The following BCKDHB variants were observed in gnomAD, a reference collection of about 807,000 sequenced individuals.
The protein encoded by BCKDHB is branched chain keto acid dehydrogenase E1 subunit beta.
In BCKDHB, 41 loss-of-function variants were observed where a neutral mutation model predicts 48.5. The observed-to-expected ratio is 0.85, with a 90% CI of 0.66 to 1.10. The LOEUF (loss-of-function observed/expected upper bound fraction) is 1.10, where lower values mean the gene tolerates loss of function less well. Ranked by LOEUF, BCKDHB falls within the 50% of genes least tolerant of loss-of-function variation. The pLI, the probability that BCKDHB is intolerant of heterozygous loss-of-function variation, is 0.00. For synonymous variants in BCKDHB, 201 were observed against 174.8 expected (o/e 1.15, Z -1.18); for missense variants, 496 against 494.2 (o/e 1.00, Z -0.03).
chr6:80,206,485 CAT>C (rs1413402390), intron 8 of BCKDHB, among the ~76,000 whole-genome samples: 4 of 151,512 alleles, frequency 2.6e-5, no homozygotes, highest in Admixed American at 6.6e-5. Flanking sequence ...TGCTTAGGAA[CAT>C]AGAGAAAATA....
chr6:80,258,767 C>G (rs970241656), intron 8 of BCKDHB, among the ~76,000 whole-genome samples: 4 of 151,480 alleles, frequency 2.6e-5, no homozygotes, highest in Admixed American at 6.6e-5. Context: ...AAAAAAGCAT[C>G]CATTTTAGCA....
At chr6:80,361,792 T>C in the BCKDHB span, among the ~76,000 whole-genome samples, 9 of 152,140 alleles carry the variant, frequency 5.9e-5, no homozygotes, top group Non-Finnish European at 1.2e-4. Context: ...ATTGTCACGT[T>C]TCCATCTTTG....
intron 8 of BCKDHB, among the ~76,000 whole-genome samples, chr6:80,230,591 G>T (rs1775887828): frequency 6.6e-6 from 1 of 152,070 alleles, no homozygotes; most frequent in Non-Finnish European, 1.5e-5. Context: ...ATTCAACTCT[G>T]CCCTTAAAGC....
intron 9 of BCKDHB, among the ~76,000 whole-genome samples, chr6:80,278,640 A>G (rs1253266193): frequency 6.6e-6 from 1 of 151,740 alleles, no homozygotes; most frequent in African/African-American, 2.4e-5. Context: ...GCTCACTGCA[A>G]CCTCCGCCTG....
At chr6:80,143,881 A>G (rs992931961) in intron 3 of BCKDHB, among the ~76,000 whole-genome samples, 69 of 152,220 alleles carry the variant, frequency 4.5e-4, no homozygotes, top group African/African-American at 1.5e-3. Flanking sequence ...AAACTCTAGT[A>G]TCTTTAGTAA....
At chr6:80,416,755 G>A in the BCKDHB span, among the ~76,000 whole-genome samples, 1 of 132,576 alleles carries the variant, frequency 7.5e-6, no homozygotes, top group East Asian at 2.1e-4. Context: ...TATATTCTGG[G>A]TTTTTTATTT....
the BCKDHB span, among the ~76,000 whole-genome samples, chr6:80,389,937 T>C: frequency 7.9e-5 from 12 of 152,188 alleles, no homozygotes; most frequent in Admixed American, 3.3e-4. Context: ...TGCTTCCTGT[T>C]CCCGTGACAT....
At chr6:80,236,031 C>A (rs1448607784) in intron 8 of BCKDHB, among the ~76,000 whole-genome samples, 1 of 152,120 alleles carries the variant, frequency 6.6e-6, no homozygotes, top group Non-Finnish European at 1.5e-5. Flanking sequence ...GCTTTTGCAG[C>A]CTTTTAAGTT....
the BCKDHB span, among the ~76,000 whole-genome samples, chr6:80,432,321 C>T: frequency 6.6e-6 from 1 of 152,120 alleles, no homozygotes; most frequent in Non-Finnish European, 1.5e-5. Flanking sequence ...GTACACCAAC[C>T]AAATGTAGAT....
At chr6:80,395,147 G>T in the BCKDHB span, among the ~76,000 whole-genome samples, 1 of 152,160 alleles carries the variant, frequency 6.6e-6, no homozygotes, top group Non-Finnish European at 1.5e-5. Context: ...TTGGCACCAG[G>T]TGTGGGGTGC....
the BCKDHB span, among the ~76,000 whole-genome samples, chr6:80,455,623 G>A: frequency 6.6e-6 from 1 of 151,186 alleles, no homozygotes; most frequent in African/African-American, 2.4e-5. Flanking sequence ...TTTCTCACTA[G>A]CTAACTCCAC....
At chr6:80,119,464 G>A (rs1250339983) in intron 1 of BCKDHB, among the ~76,000 whole-genome samples, 1 of 152,006 alleles carries the variant, frequency 6.6e-6, no homozygotes, top group Non-Finnish European at 1.5e-5. Context: ...GATTACAGGT[G>A]TGCACCACCA....
chr6:80,207,947 T>C (rs1774744397), intron 8 of BCKDHB, among the ~76,000 whole-genome samples: 1 of 151,856 alleles, frequency 6.6e-6, no homozygotes, highest in Non-Finnish European at 1.5e-5. Context: ...TCTTAAATCT[T>C]GCTTAATCAA....
chr6:80,374,730 A>G, the BCKDHB span, among the ~76,000 whole-genome samples: 1 of 152,048 alleles, frequency 6.6e-6, no homozygotes, highest in Non-Finnish European at 1.5e-5. Context: ...TCATTGTGTT[A>G]TTGTTTCATA....
intron 9 of BCKDHB, among the ~76,000 whole-genome samples, chr6:80,321,229 A>G (rs1768700451): frequency 6.6e-6 from 1 of 152,198 alleles, no homozygotes; most frequent in Non-Finnish European, 1.5e-5. Flanking sequence ...TGGGTACAGA[A>G]TATCAGTAGT....
chr6:80,161,821 G>A (rs1456141841), intron 3 of BCKDHB, among the ~76,000 whole-genome samples: 1 of 152,142 alleles, frequency 6.6e-6, no homozygotes, highest in Non-Finnish European at 1.5e-5. Flanking sequence ...CCTCAACTCT[G>A]ATTAGCATTT....
chr6:80,429,275 A>G, the BCKDHB span, among the ~76,000 whole-genome samples: 1 of 151,832 alleles, frequency 6.6e-6, no homozygotes, highest in Non-Finnish European at 1.5e-5. Context: ...GTTACTGTAG[A>G]CTTGTAGTAT....
In BCKDHB at chr6:80,343,649, T is replaced by C; in HGVS notation, c.1039-15T>C. 1 of 1,614,012 alleles carries C rather than the reference T, an allele frequency of 6.2e-7. No individual in the cohort carries two copies. The highest frequency in any genetic ancestry group is 1.7e-4 in the Middle Eastern group (1 of 6,058). ...AAAAAATTCTTGAAGTTAAGCATCC[T>C]GACTCTGTCTGCAGGAGGAATGTTT... On this transcript the variant is annotated splice_polypyrimidine_tract_variant and intron_variant, in intron 9 of 9. Coordinates refer to ENST00000320393, the MANE Select transcript of BCKDHB (RefSeq NM_183050.4).
the BCKDHB span, among the ~76,000 whole-genome samples, chr6:80,430,656 A>ATT: frequency 6.6e-6 from 1 of 152,118 alleles, no homozygotes; most frequent in Non-Finnish European, 1.5e-5. Flanking sequence ...CTGTGGGATC[A>ATT]GCAGTGATAT....
Sources: allele counts gnomAD v4.1 joint callset (sites outside exome capture counted in the v4.1 genomes callset), GRCh38; gene constraint gnomAD v4.1.1; transcripts MANE v1.5; gene names NCBI Gene and HGNC (gene_info 2026-07-23, HGNC 2026-07-21).